Variants in SYPL1 observed in about 807,000 individuals in gnomAD.
SYPL1 encodes the protein synaptophysin like 1, also known as synaptophysin-like protein 1.
A neutral mutation model predicts 23.7 loss-of-function variants in SYPL1; 6 were observed. The observed-to-expected ratio is 0.25, with a 90% confidence interval of 0.14 to 0.50. The LOEUF (loss-of-function observed/expected upper bound fraction) is 0.50. Ranked by LOEUF, SYPL1 falls within the 20% of genes least tolerant of loss-of-function variation. The pLI is 0.98. For synonymous variants in SYPL1, 102 were observed against 104.5 expected, an observed-to-expected ratio of 0.98 and a Z score of 0.15; for missense variants, 253 against 288.9, an observed-to-expected ratio of 0.88 and a Z score of 0.90.
chr7:106,094,263 G>GT (rs60129315), intron 3 of SYPL1, among the ~76,000 whole-genome samples: 2,252 of 152,120 alleles, frequency 0.015, 43 homozygotes, highest in African/African-American at 0.052. Context: ...AGTTATTATG[G>GT]TTTTTGCTAT....
chr7:106,111,977 G>T, intron 1 of SYPL1, 163 bp downstream of exon 1: 1 of 940,600 alleles, frequency 1.1e-6, no homozygotes, highest in Non-Finnish European at 1.3e-6. Flanking sequence ...GCGCGGCCCA[G>T]GCCGCGGCCT....
intron 1 of SYPL1, 26 bp from the exon 2 acceptor site, chr7:106,099,308 CAAAAG>C: frequency 6.3e-7 from 1 of 1,580,960 alleles, no homozygotes; most frequent in South Asian, 1.2e-5. Flanking sequence ...TGAAAAAAGA[CAAAAG>C]AAAAAAAAGA....
In SYPL1 at chr7:106,097,408, G is replaced by A. The variant is rs550214680; in HGVS notation, c.402+282C>T. Among the ~76,000 whole-genome samples the A allele has an allele frequency of 2.6e-5, 4 of 152,116 alleles. No individual in the cohort carries two copies. In the East Asian group the frequency reaches 5.8e-4, roughly 22 times the overall value. On this transcript the variant is annotated intron_variant, in intron 3 of 4. Coordinates refer to ENST00000455385, the MANE Select transcript of SYPL1 (RefSeq NM_182715.4). This position sits in a 1 kb window ranked among gnomAD's most constrained non-coding sequence, Gnocchi z 4.6. ...TAATTCTTCAAATTAAAAGAATTTC[G>A]ACTTAATTTTTTTGCTATTTGTAAC...
intron 2 of SYPL1, among the ~76,000 whole-genome samples, chr7:106,098,580 C>T (rs1209609573): frequency 6.6e-6 from 1 of 152,102 alleles, no homozygotes; most frequent in Non-Finnish European, 1.5e-5. Flanking sequence ...AAAGAAGATT[C>T]CCACCCTGGC....
At position 106,104,378 on chromosome 7, in the gene SYPL1, AAAAAT is replaced by A. The variant is rs1399541142; in HGVS notation, c.70-5101_70-5097del. Among the ~76,000 whole-genome samples the A allele has an allele frequency of 6.6e-6, 1 of 152,212 alleles. No homozygotes were observed. Among genetic ancestry groups the A allele is most frequent in the Non-Finnish European group, 1.5e-5 (1 of 68,036 alleles). On this transcript the variant is annotated intron_variant, in intron 1 of 4. Transcript: ENST00000455385. The surrounding 1 kb of genome is among the most constrained non-coding windows in gnomAD (Gnocchi z 4.1). ...GGGCAACACAGTGAGACCCTGTCTT[AAAAAT>A]AAAATAAAATAAAAAAATTAAATGG...
At chr7:106,093,199 C>A in intron 3 of SYPL1, 62 bp from the exon 4 acceptor site, 2 of 1,402,822 alleles carry the variant, frequency 1.4e-6, no homozygotes, top group South Asian at 3.1e-5. Flanking sequence ...AATTTCAAAT[C>A]CATGATGAAG....
rs1840244492 is a variant in SYPL1, at chr7:106,100,242, G to C, written c.70-960C>G. ...ATGTATATGCTTAAAAAAATGAATGGTGTTCTCTCAAATACCATCTAAAAC... is the reference window on the plus strand; with the variant it reads ...ATGTATATGCTTAAAAAAATGAATGCTGTTCTCTCAAATACCATCTAAAAC... On this transcript the variant is annotated intron_variant, in intron 1 of 4. Transcript: ENST00000455385. The surrounding 1 kb of genome is among the most constrained non-coding windows in gnomAD (Gnocchi z 5.1). Among the ~76,000 whole-genome samples the C allele has an allele frequency of 6.6e-6, 1 of 152,096 alleles. No homozygotes were observed. Among genetic ancestry groups the C allele is most frequent in the Non-Finnish European group, 1.5e-5 (1 of 68,026 alleles).
At chr7:106,101,433 C>A in intron 1 of SYPL1, among the ~76,000 whole-genome samples, 1 of 50,214 alleles carries the variant, frequency 2.0e-5, no homozygotes, top group Non-Finnish European at 3.5e-5. Context: ...TGTTTTTTCC[C>A]ATCCGCCCCC....
In SYPL1 at chr7:106,095,247, A is replaced by G. The variant is rs1839958512; in HGVS notation, c.403-2110T>C. On this transcript the variant is annotated intron_variant, in intron 3 of 4. Transcript: ENST00000455385. This position sits in a 1 kb window ranked among gnomAD's most constrained non-coding sequence, Gnocchi z 4.3. The stretch of plus-strand genomic sequence containing the variant: ...AATACTCCTAGAAACACCTTAGCAC[A>G]GAATTGAGAATATTGCTAAAAGGGC... Among the ~76,000 whole-genome samples, 1 of 152,228 alleles carries G rather than the reference A, an allele frequency of 6.6e-6. No homozygotes were observed. Among genetic ancestry groups the G allele is most frequent in the Non-Finnish European group, 1.5e-5 (1 of 68,046 alleles).
chr7:106,107,194 C>T (rs976938543), intron 1 of SYPL1, among the ~76,000 whole-genome samples: 2 of 152,144 alleles, frequency 1.3e-5, no homozygotes, highest in African/African-American at 2.4e-5. Flanking sequence ...TATTATAGCA[C>T]GTTTGCCTTT....
chr7:106,111,337 G>A (rs894926073), intron 1 of SYPL1, among the ~76,000 whole-genome samples: 1 of 152,214 alleles, frequency 6.6e-6, no homozygotes, highest in African/African-American at 2.4e-5. Flanking sequence ...AGTGGGCCGC[G>A]AAGTTTGAAG....
chr7:106,108,717 T>C (rs952210351), intron 1 of SYPL1, among the ~76,000 whole-genome samples: 1 of 152,196 alleles, frequency 6.6e-6, no homozygotes, highest in Non-Finnish European at 1.5e-5. Context: ...TCAGATTTAT[T>C]AATAATTACC....
rs1399541142 is a variant in SYPL1 at position 106,104,378 on chromosome 7, A to AAAAAT, written c.70-5101_70-5097dup. Among the ~76,000 whole-genome samples the AAAAAT allele has an allele frequency of 3.3e-5, 5 of 152,212 alleles. No homozygotes were observed. Among genetic ancestry groups the AAAAAT allele is most frequent in the Non-Finnish European group, 7.3e-5 (5 of 68,036 alleles). ...GGGCAACACAGTGAGACCCTGTCTT[A>AAAAAT]AAAATAAAATAAAATAAAAAAATTA... On this transcript the variant is annotated intron_variant, in intron 1 of 4. Coordinates refer to ENST00000455385, the MANE Select transcript of SYPL1 (RefSeq NM_182715.4). This position sits in a 1 kb window ranked among gnomAD's most constrained non-coding sequence, Gnocchi z 4.1.
intron 1 of SYPL1, among the ~76,000 whole-genome samples, chr7:106,111,648 A>T (rs549056411): frequency 6.6e-6 from 1 of 152,388 alleles, no homozygotes; most frequent in Non-Finnish European, 1.5e-5. Flanking sequence ...TCTTAAAAAC[A>T]AATTAAGAAC....
intron 2 of SYPL1, 88 bp downstream of exon 2, chr7:106,099,070 C>T (rs952774741): frequency 7.3e-6 from 11 of 1,514,652 alleles, no homozygotes; most frequent in Non-Finnish European, 9.8e-6. Flanking sequence ...ATTTTCTACC[C>T]CCCACAATCA....
intron 1 of SYPL1, 179 bp downstream of exon 1, chr7:106,111,961 C>G (rs1010780501): frequency 1.2e-5 from 9 of 774,676 alleles, no homozygotes; most frequent in Middle Eastern, 5.1e-4. Flanking sequence ...GCGGCGTCTC[C>G]GCCCCGCGCG....
chr7:106,096,657 C>A lies in SYPL1; in HGVS notation c.402+1033G>T, dbSNP rs1387455727. ...AAGCCAAAAGTATAGGACTTCAAATCTAAGTCCTTTGTTGATACCTCAAAG... is the reference window on the plus strand; with the variant it reads ...AAGCCAAAAGTATAGGACTTCAAATATAAGTCCTTTGTTGATACCTCAAAG... On this transcript the variant is annotated intron_variant, in intron 3 of 4. Coordinates refer to ENST00000455385, the MANE Select transcript of SYPL1 (RefSeq NM_182715.4). This position sits in a 1 kb window ranked among gnomAD's most constrained non-coding sequence, Gnocchi z 4.4. Among the ~76,000 whole-genome samples, 1 of 152,182 alleles carries A rather than the reference C, an allele frequency of 6.6e-6. No homozygotes were observed. Among genetic ancestry groups the A allele is most frequent in the Non-Finnish European group, 1.5e-5 (1 of 68,040 alleles).
At chr7:106,102,109 T>TC (rs974013139) in intron 1 of SYPL1, among the ~76,000 whole-genome samples, 1 of 152,034 alleles carries the variant, frequency 6.6e-6, no homozygotes, top group East Asian at 1.9e-4. Flanking sequence ...TTTTTTTTTT[T>TC]TGAGACACAG....
rs991229113 is a variant in SYPL1, at chr7:106,091,074, A to G, written c.*731T>C. On this transcript the variant is annotated 3_prime_UTR_variant, in exon 5 of 5. Coordinates refer to ENST00000455385, the MANE Select transcript of SYPL1 (RefSeq NM_182715.4). The surrounding 1 kb of genome is among the most constrained non-coding windows in gnomAD (Gnocchi z 5.0). Reference sequence around the variant, plus strand: ...ATATCACTAAGAGTAATGCCCATACATATAAAGATATCTAGTTGAGCCACG... The same window carrying G: ...ATATCACTAAGAGTAATGCCCATACGTATAAAGATATCTAGTTGAGCCACG... The G allele has an allele frequency of 7.9e-5, 12 of 152,246 alleles. No individual in the cohort carries two copies. The highest frequency in any genetic ancestry group is 2.9e-5 in the Non-Finnish European group (2 of 68,042). 9.4% of individuals were successfully genotyped at this position (152,246 alleles called of 1,614,324 possible). A position where few individuals can be genotyped will look rare whatever the true frequency, so the allele number is the denominator to read the frequency against.
Sources: gnomAD v4.1 joint callset for allele counts (sites outside exome capture counted in the v4.1 genomes callset) on GRCh38, gnomAD v4.1.1 for gene constraint, Gnocchi (gnomAD v3.1) non-coding constraint, MANE v1.5 for transcripts, NCBI Gene and HGNC (gene_info 2026-07-23, HGNC 2026-07-21) for gene names.